The following RASAL2 variants were observed in gnomAD, a reference collection of about 807,000 sequenced individuals.
RASAL2 encodes ras GTPase-activating protein nGAP.
A neutral mutation model predicts 128.9 loss-of-function variants in RASAL2; 58 were observed. The observed-to-expected ratio is 0.45, with a 90% CI of 0.36 to 0.56. The LOEUF (loss-of-function observed/expected upper bound fraction) is 0.56, where lower values mean the gene tolerates loss of function less well. Ranked by LOEUF, RASAL2 falls within the 20% of genes least tolerant of loss-of-function variation. RASAL2 has a pLI of 0.00. For missense variants in RASAL2, 1,360 were observed against 1,601.6 expected, an observed-to-expected ratio of 0.85 and a Z score of 2.57; for synonymous variants, 561 against 580.8, an observed-to-expected ratio of 0.97 and a Z score of 0.49.
At chr1:178,413,498 C>T (rs1313303387) in intron 4 of RASAL2, among the ~76,000 whole-genome samples, 9 of 152,236 alleles carry the variant, frequency 5.9e-5, no homozygotes, top group African/African-American at 1.9e-4. Flanking sequence ...CTTACTACTA[C>T]ATGACTAAAG....
chr1:178,163,878 C>T (rs1661422639), intron 1 of RASAL2, among the ~76,000 whole-genome samples: 1 of 152,060 alleles, frequency 6.6e-6, no homozygotes, highest in South Asian at 2.1e-4. Flanking sequence ...GCCTTTGTAA[C>T]AACATTAAAC....
intron 1 of RASAL2, among the ~76,000 whole-genome samples, chr1:178,120,516 C>T (rs573634587): frequency 1.4e-4 from 21 of 152,192 alleles, no homozygotes; most frequent in Admixed American, 5.9e-4. Context: ...CAGATTCTGA[C>T]TTAAAGCCTT....
chr1:178,205,738 C>G (rs1274353280), intron 1 of RASAL2, among the ~76,000 whole-genome samples: 2 of 151,948 alleles, frequency 1.3e-5, no homozygotes, highest in Non-Finnish European at 2.9e-5. Context: ...GCCTGGGCGA[C>G]AGAGCGAGAC....
At chr1:178,351,517 G>A (rs1670499553) in intron 3 of RASAL2, among the ~76,000 whole-genome samples, 1 of 152,132 alleles carries the variant, frequency 6.6e-6, no homozygotes, top group Non-Finnish European at 1.5e-5. Context: ...GGATCACGAG[G>A]TCAGGAGATC....
At chr1:178,418,727 T>A (rs928529359) in intron 4 of RASAL2, among the ~76,000 whole-genome samples, 3 of 152,206 alleles carry the variant, frequency 2.0e-5, no homozygotes, top group Non-Finnish European at 4.4e-5. Context: ...TATTTTCAGT[T>A]CCCTTTCTGA....
chr1:178,177,376 A>G (rs541860400), intron 1 of RASAL2, among the ~76,000 whole-genome samples: 4 of 152,162 alleles, frequency 2.6e-5, no homozygotes, highest in Non-Finnish European at 4.4e-5. Flanking sequence ...TTCACTTACT[A>G]TGTGCCAGAG....
intron 1 of RASAL2, among the ~76,000 whole-genome samples, chr1:178,148,599 C>T (rs1011716980): frequency 6.6e-6 from 1 of 152,098 alleles, no homozygotes; most frequent in Non-Finnish European, 1.5e-5. Flanking sequence ...CAGGTGTGCA[C>T]CAGCATGCCT....
At chr1:178,327,994 C>T (rs894619578) in intron 3 of RASAL2, among the ~76,000 whole-genome samples, 2 of 152,178 alleles carry the variant, frequency 1.3e-5, no homozygotes, top group African/African-American at 4.8e-5. Flanking sequence ...GTCTTCTCCC[C>T]TGCAGACTTC....
At chr1:178,360,497 G>T (rs973744774) in intron 3 of RASAL2, among the ~76,000 whole-genome samples, 1 of 152,186 alleles carries the variant, frequency 6.6e-6, no homozygotes, top group African/African-American at 2.4e-5. Context: ...TGGTGTTGGA[G>T]ATCCAGCATC....
chr1:178,421,754 A>G (rs970473253), intron 5 of RASAL2, among the ~76,000 whole-genome samples: 14 of 152,034 alleles, frequency 9.2e-5, no homozygotes, highest in African/African-American at 3.4e-4. Context: ...TATTTTGTAA[A>G]TGAAGGGACT....
At chr1:178,353,546 A>G (rs1220933802) in intron 3 of RASAL2, among the ~76,000 whole-genome samples, 1 of 152,014 alleles carries the variant, frequency 6.6e-6, no homozygotes, top group Non-Finnish European at 1.5e-5. Context: ...GGGAGTTCCA[A>G]ATTTTCCCTC....
chr1:178,282,798 G>A (rs1666844652), intron 1 of RASAL2, among the ~76,000 whole-genome samples: 1 of 152,084 alleles, frequency 6.6e-6, no homozygotes. Flanking sequence ...TTACTTAATG[G>A]AGCTAATGTG....
chr1:178,415,822 CTTG>C (rs1025463966), intron 4 of RASAL2, among the ~76,000 whole-genome samples: 2 of 152,006 alleles, frequency 1.3e-5, no homozygotes, highest in Non-Finnish European at 2.9e-5. Flanking sequence ...ATTCTTTATC[CTTG>C]TTAAGTTTTC....
intron 3 of RASAL2, among the ~76,000 whole-genome samples, chr1:178,322,318 C>T (rs1422780641): frequency 1.3e-5 from 2 of 152,062 alleles, no homozygotes; most frequent in Non-Finnish European, 2.9e-5. Context: ...AGGTCTTATC[C>T]TTACCCTTTT....
At chr1:178,380,168 C>T (rs1247486755) in intron 3 of RASAL2, among the ~76,000 whole-genome samples, 2 of 152,124 alleles carry the variant, frequency 1.3e-5, no homozygotes, top group African/African-American at 4.8e-5. Context: ...GGATTACAGG[C>T]GTGAGTCACC....
chr1:178,164,465 C>T (rs1361280071), intron 1 of RASAL2, among the ~76,000 whole-genome samples: 3 of 150,358 alleles, frequency 2.0e-5, no homozygotes, highest in Non-Finnish European at 3.0e-5. Flanking sequence ...GCAAGAATTA[C>T]AATGATAATT....
chr1:178,180,830 A>C (rs958151518), intron 1 of RASAL2, among the ~76,000 whole-genome samples: 10 of 152,134 alleles, frequency 6.6e-5, no homozygotes, highest in East Asian at 1.9e-4. Flanking sequence ...AAAAAAAAAA[A>C]CCCACAATTT....
intron 2 of RASAL2, among the ~76,000 whole-genome samples, chr1:178,294,589 C>A (rs1667411969): frequency 6.6e-6 from 1 of 152,124 alleles, no homozygotes; most frequent in Non-Finnish European, 1.5e-5. Context: ...AATAGGACAC[C>A]ACCCCCTCAC....
Position 178,094,710 on chromosome 1 carries a change from C to G in RASAL2, c.202+16C>G, listed in dbSNP as rs975464298. On this transcript the variant is annotated intron_variant, in intron 1 of 17. Coordinates refer to ENST00000367649, the MANE Select transcript of RASAL2 (RefSeq NM_170692.4). The stretch of plus-strand genomic sequence containing the variant: ...CGGGTGTACGGTAAGGACCACAGGC[C>G]GTCTTAGAGGCTGGTGTTTCCTATT... 3 of 1,613,506 alleles carry G rather than the reference C, an allele frequency of 1.9e-6. No individual in the cohort carries two copies. The highest frequency in any genetic ancestry group is 2.5e-6 in the Non-Finnish European group (3 of 1,179,712).
Sources: gnomAD v4.1 joint callset for allele counts (sites outside exome capture counted in the v4.1 genomes callset) on GRCh38, gnomAD v4.1.1 for gene constraint, MANE v1.5 for transcripts, NCBI Gene and HGNC (gene_info 2026-07-23, HGNC 2026-07-21) for gene names.